Variants in AKAP9 observed in about 807,000 individuals in gnomAD.
AKAP9 encodes A-kinase anchor protein 9.
A neutral mutation model predicts 488.5 loss-of-function variants in AKAP9; 311 were observed. The ratio of observed to expected loss-of-function variants is 0.64; its 90% CI spans 0.58 to 0.70. The LOEUF (loss-of-function observed/expected upper bound fraction) is 0.70, where lower values mean the gene tolerates loss of function less well. AKAP9 is among the 30% of genes least tolerant of loss of function. The pLI is 0.00. For missense variants in AKAP9, 4,215 were observed against 4,374.5 expected, an observed-to-expected ratio of 0.96 and a Z score of 1.03; for synonymous variants, 1,462 against 1,483.5, an observed-to-expected ratio of 0.99 and a Z score of 0.33.
rs1584480942 is a variant in AKAP9 at position 92,083,624 on chromosome 7, A to G, written c.8615A>G (p.Lys2872Arg). 13 of 1,609,822 alleles carry G rather than the reference A, an allele frequency of 8.1e-6. No homozygotes were observed. The highest frequency in any genetic ancestry group is 1.1e-5 in the Non-Finnish European group (13 of 1,178,956). Reference protein sequence around the residue: ...QLLKEECGTLKAVIQCLRSKE... With the variant: ...QLLKEECGTLRAVIQCLRSKE... ...CTGAAAGAGGAATGTGGTACCTTGA[A>G]GGCAGTGATACAGTGTCTGAGAAGT... Residue 2872 changes from lysine to arginine, a missense_variant, in exon 33 of 50, where the codon AAG (lysine) becomes AGG (arginine). Lys to Arg is a conservative substitution (Grantham distance 26, BLOSUM62 2). Around this residue, in one of 5 missense-constraint regions of AKAP9, gnomAD observed 1,476 missense variants for 1,477.4 expected, o/e 1.00. Transcript: ENST00000356239.
At chr7:92,078,006 A>AT (rs923794280) in intron 30 of AKAP9, 131 bp downstream of exon 30, 51 of 611,358 alleles carry the variant, frequency 8.3e-5, no homozygotes, top group Non-Finnish European at 8.8e-5. Context: ...TATTTTATTT[A>AT]TTTTTTTTGA....
In AKAP9 at chr7:92,060,219, T is replaced by G. The variant is rs190634018; in HGVS notation, c.5602-1041T>G. On this transcript the variant is annotated intron_variant, in intron 22 of 49. Transcript: ENST00000356239. ...GTAATACATTTTCAATATGTGACTA[T>G]AAATTAGAAACCACTACATTTGATC... is the stretch of plus-strand genomic sequence containing the variant. Among the ~76,000 whole-genome samples, 460 of 152,214 alleles carry G rather than the reference T, an allele frequency of 3.0e-3. 2 individuals are homozygous for G. Among genetic ancestry groups the G allele is most frequent in the African/African-American group, 0.01 (435 of 41,574 alleles).
chr7:92,069,961 A>G, intron 26 of AKAP9, 69 bp from the exon 27 acceptor site: 1 of 1,379,060 alleles, frequency 7.3e-7, no homozygotes, highest in Non-Finnish European at 1.0e-6. Context: ...AATGAGGGAT[A>G]ACTCAACCTA....
At chr7:92,100,170 T>G in intron 44 of AKAP9, 3 of 326,144 alleles carry the variant, frequency 9.2e-6, no homozygotes, top group South Asian at 9.0e-5. Context: ...AAGATACTTG[T>G]ATCTCCAAAG....
chr7:91,993,513 T>G (rs1798033425), intron 5 of AKAP9, among the ~76,000 whole-genome samples: 1 of 152,064 alleles, frequency 6.6e-6, no homozygotes, highest in East Asian at 1.9e-4. Context: ...GTAGTTCTAG[T>G]TATTCAGGAG....
At chr7:92,084,791 T>A (rs774957346) in intron 34 of AKAP9, 28 bp from the exon 35 acceptor site, 3 of 1,608,140 alleles carry the variant, frequency 1.9e-6, no homozygotes, top group South Asian at 1.1e-5. Context: ...TTTTTTTTTT[T>A]AACAGCAAAT....
intron 12 of AKAP9, among the ~76,000 whole-genome samples, chr7:92,018,480 G>A (rs1334268028): frequency 1.3e-5 from 2 of 151,364 alleles, no homozygotes; most frequent in African/African-American, 4.9e-5. Context: ...TTTTAAGGTT[G>A]GGAAACAGAA....
At chr7:92,085,147 A>G (rs1814298252) in intron 35 of AKAP9, among the ~76,000 whole-genome samples, 1 of 152,162 alleles carries the variant, frequency 6.6e-6, no homozygotes, top group Non-Finnish European at 1.5e-5. Flanking sequence ...TTTTTTTCTT[A>G]ATAATTCTTA....
chr7:91,963,330 A>G (rs1269268849), intron 1 of AKAP9, among the ~76,000 whole-genome samples: 1 of 152,150 alleles, frequency 6.6e-6, no homozygotes, highest in African/African-American at 2.4e-5. Flanking sequence ...AATATAATTT[A>G]TTTTTATATC....
rs1256608846 is a variant in AKAP9 at position 92,074,863 on chromosome 7, G to T, written c.6613-1992G>T. ...AACATCACAAACCAGGGCCTTTTAG[G>T]GGGTGAGGGGTACAGGAGGGATAGC... On this transcript the variant is annotated intron_variant, in intron 28 of 49. Transcript: ENST00000356239. Among the ~76,000 whole-genome samples the T allele has an allele frequency of 3.9e-5, 6 of 152,192 alleles. No homozygotes were observed. In the South Asian group the frequency reaches 1.0e-3, roughly 26 times the overall value.
chr7:92,021,036 C>T (rs928081534), intron 12 of AKAP9, among the ~76,000 whole-genome samples: 6 of 152,134 alleles, frequency 3.9e-5, no homozygotes, highest in South Asian at 4.1e-4. Flanking sequence ...TTTCCCCCTC[C>T]GTATCCAAAT....
At chr7:92,091,288 C>T (rs963242372) in intron 38 of AKAP9, among the ~76,000 whole-genome samples, 2 of 152,008 alleles carry the variant, frequency 1.3e-5, no homozygotes, top group African/African-American at 4.8e-5. Flanking sequence ...TCACATTGGT[C>T]ATTATAAAGC....
Position 92,042,200 on chromosome 7 carries a change from T to C in AKAP9, c.5058+14T>C, listed in dbSNP as rs367579317. 1.9e-6 allele frequency: 3 copies of C among 1,613,520 alleles called. No homozygotes were observed. Among genetic ancestry groups the C allele is most frequent in the Middle Eastern group, 1.6e-4 (1 of 6,078 alleles). On this transcript the variant is annotated intron_variant, in intron 19 of 49. Transcript: ENST00000356239. ...ACGCAAACACAGGTAGTATGGACTT[T>C]GCCCCACCTAGGAGCAATGGATCAC...
At chr7:92,012,973 A>ATTTTTTTTTTTT (rs749688986) in intron 9 of AKAP9, among the ~76,000 whole-genome samples, 3 of 60,752 alleles carry the variant, frequency 4.9e-5, no homozygotes, top group African/African-American at 2.3e-4. Context: ...TGGGGTTGGA[A>ATTTTTTTTTTTT]TTTTTTTTTT....
intron 3 of AKAP9, among the ~76,000 whole-genome samples, chr7:91,984,675 T>C (rs1199850149): frequency 6.6e-6 from 1 of 151,806 alleles, no homozygotes. Flanking sequence ...AAGAAAGTCA[T>C]TGATAGCTTG....
At chr7:92,006,438 T>A (rs1227497688) in intron 8 of AKAP9, among the ~76,000 whole-genome samples, 1 of 152,102 alleles carries the variant, frequency 6.6e-6, no homozygotes, top group Non-Finnish European at 1.5e-5. Flanking sequence ...GGCATGAGTC[T>A]TTGTCACCAG....
intron 8 of AKAP9, among the ~76,000 whole-genome samples, chr7:92,010,505 C>T (rs1213868538): frequency 6.6e-6 from 1 of 152,244 alleles, no homozygotes; most frequent in Non-Finnish European, 1.5e-5. Context: ...GCCACTCTTT[C>T]ACTGAATACT....
intron 3 of AKAP9, among the ~76,000 whole-genome samples, chr7:91,984,086 T>C (rs1006729411): frequency 6.6e-6 from 1 of 152,262 alleles, no homozygotes; most frequent in African/African-American, 2.4e-5. Flanking sequence ...TAGGTTGCCT[T>C]TTCACTCTGA....
rs530309406 is a variant in AKAP9 at position 92,033,237 on chromosome 7, A to C, written c.4338+1633A>C. On this transcript the variant is annotated intron_variant, in intron 16 of 49. Coordinates refer to ENST00000356239, the MANE Select transcript of AKAP9 (RefSeq NM_005751.5). Reference sequence around the variant, plus strand: ...GCACGTTGTGCACATGTACCCTAAAACTTAAAGTATTTAAAAAAAAAAGAC... The same window carrying C: ...GCACGTTGTGCACATGTACCCTAAACCTTAAAGTATTTAAAAAAAAAAGAC... Among the ~76,000 whole-genome samples, 389 of 152,032 alleles carry C rather than the reference A, an allele frequency of 2.6e-3. 2 individuals carry two copies. The highest frequency in any genetic ancestry group is 8.9e-3 in the African/African-American group (367 of 41,402).
Sources: gnomAD v4.1 joint callset for allele counts (sites outside exome capture counted in the v4.1 genomes callset) on GRCh38, gnomAD v4.1.1 for gene constraint, gnomAD v4.1.1 regional missense constraint, MANE v1.5 for transcripts, NCBI Gene and HGNC (gene_info 2026-07-23, HGNC 2026-07-21) for gene names.